MASP2: variants seen among roughly 807,000 people sequenced by gnomAD.
MASP2 encodes mannan-binding lectin serine protease 2.
In MASP2, 49 loss-of-function variants were observed where a neutral mutation model predicts 57.1. The ratio of observed to expected loss-of-function variants is 0.86; its 90% CI spans 0.68 to 1.09. The LOEUF is 1.09. Among genes scored for constraint, MASP2 ranks in the 50% least tolerant of loss-of-function variants. MASP2 has a pLI of 0.00. For missense variants in MASP2, 900 were observed against 874.8 expected (o/e 1.03, Z -0.36); for synonymous variants, 379 against 340.8 (o/e 1.11, Z -1.24).
At chr1:11,037,905 A>G in intron 6 of MASP2, 94 bp from the exon 7 acceptor site, 1 of 662,700 alleles carries the variant, frequency 1.5e-6, no homozygotes, top group Non-Finnish European at 2.6e-6. Flanking sequence ...TATAAAGAAT[A>G]CTTAACATGT....
At position 11,030,209 on chromosome 1, in the gene MASP2, T is replaced by G; in HGVS notation, c.1264A>C (p.Lys422Gln). ...CAGACTGGGAGTGATTTTTCTCCTT[T>G]GGAGCTCGTCCAGAATCCATCAGCC... ...CEADGFWTSS[K>Q]GEKSLPVCEP... The change falls in exon 10 of 11, where the codon AAA (lysine) becomes CAA (glutamine). Residue 422 changes from lysine to glutamine, a missense_variant. Coordinates refer to ENST00000400897, the MANE Select transcript of MASP2 (RefSeq NM_006610.4). 1 of 1,613,654 alleles carries G rather than the reference T, an allele frequency of 6.2e-7. No homozygotes were observed. The highest frequency in any genetic ancestry group is 8.5e-7 in the Non-Finnish European group (1 of 1,179,880).
At chr1:11,045,187 T>C (rs1638590025) in intron 4 of MASP2, 1 of 771,518 alleles carries the variant, frequency 1.3e-6, no homozygotes, top group Non-Finnish European at 2.3e-6. Flanking sequence ...CACAGTGGGA[T>C]GTTAGAATTA....
chr1:11,026,759 G>GT lies in MASP2; in HGVS notation c.*125dup, dbSNP rs1012878273. On this transcript the variant is annotated 3_prime_UTR_variant, in exon 11 of 11. Transcript: ENST00000400897. ...ATGACAGCAGCCTCACCTGGAGTCT[G>GT]TTTTTTTGGGTGGAGCAACAACTGC... The GT allele has an allele frequency of 2.5e-5, 19 of 755,542 alleles. No individual in the cohort carries two copies. Among genetic ancestry groups the GT allele is most frequent in the African/African-American group, 1.3e-4 (7 of 54,288 alleles). The allele number at this position is 755,542 out of a possible 1,614,324, so 46.8% of individuals were successfully genotyped here.
chr1:11,040,394 G>A (rs1016323091), intron 6 of MASP2, among the ~76,000 whole-genome samples: 1 of 149,244 alleles, frequency 6.7e-6, no homozygotes. Flanking sequence ...GCTTGTTCCA[G>A]GAGGCAGAGG....
chr1:11,045,238 T>A, intron 4 of MASP2, 170 bp downstream of exon 4: 1 of 981,974 alleles, frequency 1.0e-6, no homozygotes. Flanking sequence ...TGAGCCTGGC[T>A]GCTGAGAGGG....
At position 11,027,612 on chromosome 1, in the gene MASP2, A is replaced by G. The variant is rs781411108; in HGVS notation, c.1334T>C (p.Ile445Thr). 27 of 1,613,962 alleles carry G rather than the reference A, an allele frequency of 1.7e-5. No individual in the cohort carries two copies. The South Asian group carries it at 2.5e-4, about 15-fold the overall frequency. The change falls in exon 11 of 11, where the codon ATA becomes ACA. Residue 445 changes from isoleucine to threonine, a missense_variant. Transcript: ENST00000400897. ...AGGTTTTGCCTTTTGCCCTCCATAT[A>G]TACGCCCTCCTGTTGTGCGGGCTGA... The part of the protein sequence containing the change: ...GLSARTTGGR[I>T]YGGQKAKPGD...
At position 11,045,552 on chromosome 1, in the gene MASP2, C is replaced by G; in HGVS notation, c.413-13G>C. ...CACTCGTCAATGTCTGGGGGAGAGGCAGGGCCAGGCAGGCCGTCAGGAGGG... is the reference window on the plus strand; with the variant it reads ...CACTCGTCAATGTCTGGGGGAGAGGGAGGGCCAGGCAGGCCGTCAGGAGGG... On this transcript the variant is annotated splice_polypyrimidine_tract_variant and intron_variant, in intron 3 of 10. Coordinates refer to ENST00000400897, the MANE Select transcript of MASP2 (RefSeq NM_006610.4). 6.3e-7 allele frequency: 1 copy of G among 1,597,080 alleles called. No individual in the cohort carries two copies. The highest frequency in any genetic ancestry group is 8.5e-7 in the Non-Finnish European group (1 of 1,174,208).
At position 11,046,991 on chromosome 1, in the gene MASP2, C is replaced by T. The variant is rs777480411; in HGVS notation, c.134G>A (p.Arg45Gln). The stretch of plus-strand genomic sequence containing the variant: ...GGGGGGTGCAGTCAGGGTCCAGCGC[C>T]GCTCCTGGTCATTGGCATACTCCCC... ...FPGEYANDQERRWTLTAPPGY... is the reference protein window; with the variant it reads ...FPGEYANDQEQRWTLTAPPGY... Residue 45 changes from arginine to glutamine, a missense_variant, in exon 2 of 11, where the codon CGG becomes CAG. Physicochemically the swap from Arg to Gln is conservative, Grantham distance 43 (BLOSUM62 1). Coordinates refer to ENST00000400897, the MANE Select transcript of MASP2 (RefSeq NM_006610.4). The T allele has an allele frequency of 2.9e-5, 45 of 1,555,478 alleles. No individual in the cohort carries two copies. The highest frequency in any genetic ancestry group is 1.3e-4 in the South Asian group (11 of 84,374).
At position 11,045,541 on chromosome 1, in the gene MASP2, T is replaced by TG; in HGVS notation, c.413-3dup. ...GGGCCACCTGGCACTCGTCAATGTCTGGGGGAGAGGCAGGGCCAGGCAGGC... is the reference window on the plus strand; with the variant it reads ...GGGCCACCTGGCACTCGTCAATGTCTGGGGGGAGAGGCAGGGCCAGGCAGGC... On this transcript the variant is annotated splice_polypyrimidine_tract_variant and splice_region_variant and intron_variant, in intron 3 of 10. Transcript: ENST00000400897. 1 of 1,603,374 alleles carries TG rather than the reference T, an allele frequency of 6.2e-7. No homozygotes were observed. Among genetic ancestry groups the TG allele is most frequent in the Non-Finnish European group, 8.5e-7 (1 of 1,176,588 alleles).
Position 11,030,827 on chromosome 1 carries a change from TG to T in MASP2, c.1142del (p.Thr381LysfsTer5). The T allele has an allele frequency of 2.5e-6, 4 of 1,613,928 alleles. No homozygotes were observed. Among genetic ancestry groups the T allele is most frequent in the Non-Finnish European group, 3.4e-6 (4 of 1,179,842 alleles). On this transcript the variant is annotated frameshift_variant, in exon 9 of 11. Coordinates refer to ENST00000400897, the MANE Select transcript of MASP2 (RefSeq NM_006610.4). LOFTEE classifies it high-confidence loss of function. ...DLPSGRVEYI[T>X]GPGVTTYKAV... Reference sequence around the variant, plus strand: ...CTTTGTAGGTGGTCACTCCAGGACCTGTGATGTACTCCACTCGGCCACTGGG... The same window carrying T: ...CTTTGTAGGTGGTCACTCCAGGACCTTGATGTACTCCACTCGGCCACTGGG...
At chr1:11,041,118 G>GGT (rs1638415222) in intron 6 of MASP2, among the ~76,000 whole-genome samples, 2 of 151,016 alleles carry the variant, frequency 1.3e-5, no homozygotes, top group Non-Finnish European at 3.0e-5. Flanking sequence ...TGGATGGATG[G>GGT]ATGGATGGAT....
Position 11,043,487 on chromosome 1 carries a change from C to A in MASP2, c.593G>T (p.Ser198Ile), listed in dbSNP as rs1245193380. The A allele has an allele frequency of 4.4e-6, 7 of 1,608,694 alleles. No homozygotes were observed. The South Asian group carries it at 7.8e-5, about 18-fold the overall frequency. Residue 198 changes from serine (S) to isoleucine (I), a missense_variant, in exon 5 of 11, where the codon AGC becomes ATC. By Grantham distance (142) the Ser-to-Ile change is moderately radical. Coordinates refer to ENST00000400897, the MANE Select transcript of MASP2 (RefSeq NM_006610.4). ...GGGATACGGCCGTGGGTATTCAGGG[C>A]TGCTGAGCTCCCCAGACCTCTGGGT... ...VFTQRSGELS[S>I]PEYPRPYPKL...
In MASP2 at chr1:11,027,104, A is replaced by C. The variant is rs760331990; in HGVS notation, c.1842T>G (p.Ala614=). 1.2e-5 allele frequency: 19 copies of C among 1,608,220 alleles called. No individual in the cohort carries two copies. Among genetic ancestry groups the C allele is most frequent in the Admixed American group, 1.7e-5 (1 of 59,564 alleles). The change falls in exon 11 of 11, where the codon GCT becomes GCG. Residue 614 remains alanine, a synonymous_variant. Transcript: ENST00000400897. ...KPPYPRGSVT[A]NMLCAGLESG... ...TTTCTAAGCCAGCACAAAGCATGTT[A>C]GCAGTTACACTTCCCCTTGGATAGG...
chr1:11,027,440 C>T lies in MASP2; in HGVS notation c.1506G>A (p.Leu502=). Residue 502 remains leucine, a synonymous_variant, in exon 11 of 11, where the codon CTG becomes CTA. Coordinates refer to ENST00000400897, the MANE Select transcript of MASP2 (RefSeq NM_006610.4). ...ASALDIRMGT[L]KRLSPHYTQA... is the part of the protein sequence containing the mutation. ...GTGTATAATGAGGTGATAGTCTTTTCAGGGTGCCCATTCGAATGTCCAGGG... is the reference window on the plus strand; with the variant it reads ...GTGTATAATGAGGTGATAGTCTTTTTAGGGTGCCCATTCGAATGTCCAGGG... 1 of 1,614,124 alleles carries T rather than the reference C, an allele frequency of 6.2e-7. No individual in the cohort carries two copies. The highest frequency in any genetic ancestry group is 8.5e-7 in the Non-Finnish European group (1 of 1,180,016).
intron 3 of MASP2, chr1:11,046,279 C>T (rs962589379): frequency 6.0e-6 from 3 of 499,748 alleles, no homozygotes; most frequent in African/African-American, 3.9e-5. Context: ...TCCCAAAGTG[C>T]TGGAATTACA....
At chr1:11,035,245 CA>C (rs1238086324) in intron 7 of MASP2, among the ~76,000 whole-genome samples, 1 of 152,100 alleles carries the variant, frequency 6.6e-6, no homozygotes, top group Non-Finnish European at 1.5e-5. Context: ...AGATCTCAGC[CA>C]GGTGCGGTGG....
At chr1:11,034,436 G>A (rs537136872) in intron 8 of MASP2, among the ~76,000 whole-genome samples, 3 of 149,560 alleles carry the variant, frequency 2.0e-5, no homozygotes, top group South Asian at 2.1e-4. Flanking sequence ...AGTGGCTCAC[G>A]CCTGTAATCT....
intron 8 of MASP2, among the ~76,000 whole-genome samples, chr1:11,033,567 C>G (rs1431213044): frequency 1.3e-5 from 2 of 151,988 alleles, no homozygotes; most frequent in Non-Finnish European, 2.9e-5. Context: ...ATTGCTTGAA[C>G]TCAGCAGGCA....
chr1:11,031,371 A>T (rs1000192621), intron 8 of MASP2, among the ~76,000 whole-genome samples: 3 of 149,986 alleles, frequency 2.0e-5, no homozygotes, highest in Admixed American at 6.6e-5. Context: ...AAAATACAAA[A>T]AAAAAAAATT....
Sources: gnomAD v4.1 joint callset for allele counts (sites outside exome capture counted in the v4.1 genomes callset) on GRCh38, gnomAD v4.1.1 for gene constraint, MANE v1.5 for transcripts, NCBI Gene and HGNC (gene_info 2026-07-23, HGNC 2026-07-21) for gene names.